The following ELOVL6 variants were observed in gnomAD, a reference collection of about 807,000 sequenced individuals.
The protein encoded by ELOVL6 is ELOVL fatty acid elongase 6.
ELOVL6 carries 8 observed loss-of-function variants against 31.7 expected under a neutral mutation model. That is an observed-to-expected ratio of 0.25 (90% confidence interval 0.15 to 0.45). The LOEUF is 0.45. ELOVL6 is among the 20% of genes least tolerant of loss of function. The probability of loss-of-function intolerance (pLI) is 1.00; values close to 1 mark genes in which losing one functional copy is unlikely to be tolerated. For synonymous variants in ELOVL6, 101 were observed against 117.7 expected, an observed-to-expected ratio of 0.86 and a Z score of 0.92; for missense variants, 126 against 326.4, an observed-to-expected ratio of 0.39 and a Z score of 4.73.
At chr4:110,096,175 A>C (rs1258802917) in intron 2 of ELOVL6, among the ~76,000 whole-genome samples, 2 of 152,192 alleles carry the variant, frequency 1.3e-5, no homozygotes, top group Non-Finnish European at 2.9e-5. Flanking sequence ...TGTTTTATTT[A>C]TCATCCAAAT....
At chr4:110,081,588 T>G (rs371796133) in intron 2 of ELOVL6, among the ~76,000 whole-genome samples, 1 of 151,166 alleles carries the variant, frequency 6.6e-6, no homozygotes, top group Non-Finnish European at 1.5e-5. Flanking sequence ...ATACAAAAAT[T>G]AATTCAAGAT....
chr4:110,105,426 G>GGT, intron 2 of ELOVL6, 71 bp downstream of exon 2: 1 of 1,414,434 alleles, frequency 7.1e-7, no homozygotes, highest in Non-Finnish European at 9.7e-7. Context: ...AAAATCAAAT[G>GGT]CTCAATCATT....
chr4:110,073,795 A>C (rs1755556817), intron 2 of ELOVL6, among the ~76,000 whole-genome samples: 1 of 152,196 alleles, frequency 6.6e-6, no homozygotes. Context: ...TTTCCATCTG[A>C]AGTGTGAGAG....
intron 1 of ELOVL6, among the ~76,000 whole-genome samples, chr4:110,190,528 G>A (rs1193917148): frequency 6.6e-6 from 1 of 152,010 alleles, no homozygotes; most frequent in East Asian, 1.9e-4. Context: ...GTTTTGAGAC[G>A]GAGTCTCACT....
At chr4:110,158,329 A>C (rs1459438808) in intron 1 of ELOVL6, among the ~76,000 whole-genome samples, 1 of 152,064 alleles carries the variant, frequency 6.6e-6, no homozygotes, top group Non-Finnish European at 1.5e-5. Context: ...CATTTTGAAG[A>C]TCACAAACAT....
intron 2 of ELOVL6, among the ~76,000 whole-genome samples, chr4:110,079,622 C>T (rs924461437): frequency 6.6e-6 from 1 of 151,926 alleles, no homozygotes; most frequent in Non-Finnish European, 1.5e-5. Flanking sequence ...GCACTAAATG[C>T]CCACAAGAGA....
chr4:110,102,988 G>A (rs759689825), intron 2 of ELOVL6, among the ~76,000 whole-genome samples: 2 of 152,140 alleles, frequency 1.3e-5, no homozygotes, highest in African/African-American at 4.8e-5. Flanking sequence ...GGTCTTTCCC[G>A]TGCTATTCTC....
At chr4:110,118,030 C>T (rs1172358395) in intron 1 of ELOVL6, 2 of 122,618 alleles carry the variant, frequency 1.6e-5, no homozygotes, top group African/African-American at 6.1e-5. Context: ...GAGATCTCGG[C>T]TCACTGCAAC....
At chr4:110,166,663 A>G (rs1323567117) in intron 1 of ELOVL6, among the ~76,000 whole-genome samples, 1 of 152,204 alleles carries the variant, frequency 6.6e-6, no homozygotes. Flanking sequence ...GCCAGAAGGC[A>G]ATGAACACTG....
intron 1 of ELOVL6, among the ~76,000 whole-genome samples, chr4:110,150,385 G>C (rs1210698812): frequency 3.9e-5 from 6 of 152,146 alleles, no homozygotes; most frequent in African/African-American, 1.4e-4. Flanking sequence ...GATTGATCTA[G>C]ATGTGTTTGA....
rs1337216986 is a variant in ELOVL6 at position 110,048,707 on chromosome 4, TTTTGTTTTAA to T, written c.*2621_*2630del. The T allele has an allele frequency of 1.1e-5, 1 of 95,206 alleles. No homozygotes were observed. The highest frequency in any genetic ancestry group is 4.2e-4 in the East Asian group (1 of 2,376). 5.9% of individuals were successfully genotyped at this position (95,206 alleles called of 1,614,324 possible). A position where few individuals can be genotyped will look rare whatever the true frequency, so the allele number is the denominator to read the frequency against. On this transcript the variant is annotated 3_prime_UTR_variant, in exon 4 of 4. Transcript: ENST00000302274. ...ATTACCAAAATTTTGTTTTGTTTTGTTTTGTTTTAAAAAAAATGTGGCTTTTTTCCTCCCA... is the reference window on the plus strand; with the variant it reads ...ATTACCAAAATTTTGTTTTGTTTTGTAAAAAATGTGGCTTTTTTCCTCCCA...
chr4:110,140,426 C>CATT (rs953699312), intron 1 of ELOVL6, among the ~76,000 whole-genome samples: 39 of 151,702 alleles, frequency 2.6e-4, no homozygotes, highest in African/African-American at 6.1e-4. Flanking sequence ...TTTTTGTTAT[C>CATT]ATTATTATTA....
In ELOVL6 at chr4:110,197,058, A is replaced by G. The variant is rs1294782758; in HGVS notation, c.89+1189T>C. On this transcript the variant is annotated intron_variant, in intron 1 of 3. Transcript: ENST00000302274. Reference sequence around the variant, plus strand: ...GCCGGCGTTTCTGGTTTCCAGTTGAAGAGGGCAGGCGGGAGGGCGCGGGGC... The same window carrying G: ...GCCGGCGTTTCTGGTTTCCAGTTGAGGAGGGCAGGCGGGAGGGCGCGGGGC... Among the ~76,000 whole-genome samples the G allele has an allele frequency of 3.3e-5, 5 of 152,182 alleles. No individual in the cohort carries two copies. The South Asian group carries it at 8.3e-4, about 25-fold the overall frequency.
Position 110,125,112 on chromosome 4 carries a change from TTGAG to T in ELOVL6, c.90-19488_90-19485del, listed in dbSNP as rs771544799. 8.7e-4 allele frequency among the ~76,000 whole-genome samples: 133 copies of T among 152,206 alleles called. 2 individuals are homozygous for T. The highest frequency in any genetic ancestry group is 2.4e-4 in the Non-Finnish European group (16 of 68,040). On this transcript the variant is annotated intron_variant, in intron 1 of 3. Transcript: ENST00000302274. The stretch of plus-strand genomic sequence containing the variant: ...ACTTTTAAACTAAAATAAAAAGTCA[TTGAG>T]TAATTTTTATTTTAAAAATATACTC...
intron 2 of ELOVL6, among the ~76,000 whole-genome samples, chr4:110,070,823 C>T (rs1451724537): frequency 6.6e-6 from 1 of 152,178 alleles, no homozygotes; most frequent in Non-Finnish European, 1.5e-5. Context: ...TTTCCTGAGG[C>T]CTCCCCAGCC....
At chr4:110,084,349 A>ATGATATATATCGCATTTT (rs1406578129) in intron 2 of ELOVL6, among the ~76,000 whole-genome samples, 1 of 123,812 alleles carries the variant, frequency 8.1e-6, no homozygotes, top group East Asian at 2.2e-4. Flanking sequence ...TATATGATAT[A>ATGATATATATCGCATTTT]TGATATATAC....
At chr4:110,199,095 C>G (rs1759914811), upstream of ELOVL6, 1 of 150,652 alleles carries the variant, frequency 6.6e-6, no homozygotes, top group South Asian at 2.1e-4. Flanking sequence ...TAGATTCACG[C>G]TAACCCAGGC....
chr4:110,115,553 G>C (rs1757146268), intron 1 of ELOVL6, among the ~76,000 whole-genome samples: 5 of 152,062 alleles, frequency 3.3e-5, no homozygotes, highest in Non-Finnish European at 7.4e-5. Context: ...AGGCCAGCCT[G>C]GGTAATATGG....
chr4:110,129,778 C>A (rs1327200013), intron 1 of ELOVL6, among the ~76,000 whole-genome samples: 1 of 152,106 alleles, frequency 6.6e-6, no homozygotes, highest in East Asian at 1.9e-4. Flanking sequence ...ATCCAGCTGC[C>A]TTGTCAGCTC....
Sources: allele counts gnomAD v4.1 joint callset (sites outside exome capture counted in the v4.1 genomes callset), GRCh38; gene constraint gnomAD v4.1.1; transcripts MANE v1.5; gene names NCBI Gene and HGNC (gene_info 2026-07-23, HGNC 2026-07-21).